The following PTPRS variants were observed in gnomAD, a reference collection of about 807,000 sequenced individuals.
PTPRS encodes the protein protein tyrosine phosphatase receptor type S, also known as receptor-type tyrosine-protein phosphatase S.
In PTPRS, 63 loss-of-function variants were observed where a neutral mutation model predicts 215.3. The observed-to-expected ratio is 0.29, with a 90% CI of 0.24 to 0.36. PTPRS has a LOEUF of 0.36. Ranked by LOEUF, PTPRS falls within the 10% of genes least tolerant of loss-of-function variation. The probability of loss-of-function intolerance (pLI) is 1.00; values close to 1 mark genes in which losing one functional copy is unlikely to be tolerated. For synonymous variants in PTPRS, 1,404 were observed against 1,191.4 expected, an observed-to-expected ratio of 1.18 and a Z score of -3.68; for missense variants, 2,258 against 2,825.8, an observed-to-expected ratio of 0.80 and a Z score of 4.56.
At chr19:5,315,785 CCTAG>C (rs1349919275) in intron 1 of PTPRS, among the ~76,000 whole-genome samples, 3 of 144,712 alleles carry the variant, frequency 2.1e-5, no homozygotes, top group Non-Finnish European at 4.5e-5. Context: ...CGCCATCACA[CCTAG>C]CTAATTTTTT....
At chr19:5,254,434 T>C (rs1191733424) in intron 9 of PTPRS, among the ~76,000 whole-genome samples, 1 of 131,896 alleles carries the variant, frequency 7.6e-6, no homozygotes, top group Non-Finnish European at 1.7e-5. Flanking sequence ...GTGTTTTTTA[T>C]TGGGGGTTGG....
At chr19:5,326,168 T>G (rs1038278254) in intron 1 of PTPRS, among the ~76,000 whole-genome samples, 21 of 151,342 alleles carry the variant, frequency 1.4e-4, no homozygotes, top group Admixed American at 7.9e-4. Flanking sequence ...GAGGTGGGGG[T>G]TGCAGTGAGC....
At position 5,237,774 on chromosome 19, in the gene PTPRS, C is replaced by A. The variant is rs928145286; in HGVS notation, c.1849+1145G>T. 1.3e-5 allele frequency among the ~76,000 whole-genome samples: 2 copies of A among 152,082 alleles called. No homozygotes were observed. The highest frequency in any genetic ancestry group is 6.6e-5 in the Admixed American group (1 of 15,262). ...TCACTGACTCCACCTCACACAGACG[C>A]GCCCAGACGCCTTGGAGCCGCCAGG... On this transcript the variant is annotated intron_variant, in intron 13 of 37. Coordinates refer to ENST00000262963, the MANE Select transcript of PTPRS (RefSeq NM_002850.4). This position sits in a 1 kb window ranked among gnomAD's most constrained non-coding sequence, Gnocchi z 4.2.
intron 1 of PTPRS, among the ~76,000 whole-genome samples, chr19:5,307,419 T>G (rs2049533882): frequency 2.7e-5 from 4 of 145,898 alleles, no homozygotes. Context: ...GATCAGTATC[T>G]CTTAGTGTTA....
At chr19:5,285,451 C>T (rs1211118625) in intron 2 of PTPRS, among the ~76,000 whole-genome samples, 1 of 152,214 alleles carries the variant, frequency 6.6e-6, no homozygotes, top group Admixed American at 6.5e-5. Context: ...CAGGCCTTCC[C>T]GGGTGCTGTC....
intron 1 of PTPRS, among the ~76,000 whole-genome samples, chr19:5,320,162 T>C (rs1368915854): frequency 6.6e-6 from 1 of 152,214 alleles, no homozygotes; most frequent in Non-Finnish European, 1.5e-5. Context: ...TTCCTGTCCC[T>C]GTTGGCAAGC....
chr19:5,289,149 T>C (rs2048606253), intron 1 of PTPRS, among the ~76,000 whole-genome samples: 1 of 152,110 alleles, frequency 6.6e-6, no homozygotes, highest in Non-Finnish European at 1.5e-5. Context: ...GAACCTCCCA[T>C]GATGGGGATA....
intron 2 of PTPRS, among the ~76,000 whole-genome samples, chr19:5,275,886 G>A (rs1429125191): frequency 6.7e-6 from 1 of 149,636 alleles, no homozygotes; most frequent in African/African-American, 2.5e-5. Context: ...GGCCTCAAGT[G>A]ATCCTCCCAC....
rs538713673 is a variant in PTPRS at position 5,230,920 on chromosome 19, T to C, written c.2155+390A>G. Among the ~76,000 whole-genome samples the C allele has an allele frequency of 7.9e-5, 12 of 152,278 alleles. No homozygotes were observed. In the South Asian group the frequency reaches 8.3e-4, roughly 11 times the overall value. ...GACGGGAACATTTACACCATGGAAATTGGCCAATGCTACACAAACTGGTCT... is the reference window on the plus strand; with the variant it reads ...GACGGGAACATTTACACCATGGAAACTGGCCAATGCTACACAAACTGGTCT... On this transcript the variant is annotated intron_variant, in intron 14 of 37. Coordinates refer to ENST00000262963, the MANE Select transcript of PTPRS (RefSeq NM_002850.4).
chr19:5,260,873 G>A, intron 6 of PTPRS, 51 bp from the exon 7 acceptor site: 1 of 1,603,220 alleles, frequency 6.2e-7, no homozygotes, highest in South Asian at 1.1e-5. Flanking sequence ...CGGTTGTTGG[G>A]GGGCCGGGGG....
chr19:5,267,918 C>T (rs934985826), intron 4 of PTPRS, among the ~76,000 whole-genome samples: 1 of 151,944 alleles, frequency 6.6e-6, no homozygotes, highest in African/African-American at 2.4e-5. Context: ...GCCTATAATC[C>T]CAGCACTTTG....
At chr19:5,238,634 C>T (rs1599605029) in intron 13 of PTPRS, among the ~76,000 whole-genome samples, 1 of 152,248 alleles carries the variant, frequency 6.6e-6, no homozygotes. Flanking sequence ...ACCTCTCCTA[C>T]ACCAGGGCCA....
Position 5,309,472 on chromosome 19 carries a change from C to G in PTPRS, c.-94-23238G>C, listed in dbSNP as rs1214818318. 3.3e-5 allele frequency among the ~76,000 whole-genome samples: 5 copies of G among 152,218 alleles called. No individual in the cohort carries two copies. The East Asian group carries it at 7.7e-4, about 24-fold the overall frequency. ...AGGCTGAGGATAGGATGTGCCTTGTCCAGAGCCAATGGCTTGCTTGTAGCA... is the reference window on the plus strand; with the variant it reads ...AGGCTGAGGATAGGATGTGCCTTGTGCAGAGCCAATGGCTTGCTTGTAGCA... On this transcript the variant is annotated intron_variant, in intron 1 of 37. Transcript: ENST00000262963.
chr19:5,240,395 C>T (rs2145878304), intron 11 of PTPRS, 63 bp from the exon 12 acceptor site: 3 of 1,454,704 alleles, frequency 2.1e-6, no homozygotes, highest in South Asian at 1.4e-5. Flanking sequence ...GGGGGCCCCA[C>T]CTGCTGAGTG....
At chr19:5,218,620 G>A in intron 24 of PTPRS, 88 bp from the exon 25 acceptor site, 2 of 1,520,692 alleles carry the variant, frequency 1.3e-6, no homozygotes, top group South Asian at 1.1e-5. Flanking sequence ...TGCATGGTAA[G>A]AAAAGGACCA....
At position 5,216,709 on chromosome 19, in the gene PTPRS, C is replaced by T. The variant is rs773286341; in HGVS notation, c.4096+11G>A. ...GGCGAAAGGAAGCCAAAAACAGACA[C>T]AAGAACTAACTTTCAAAGTGAAACC... On this transcript the variant is annotated intron_variant, in intron 26 of 37. Coordinates refer to ENST00000262963, the MANE Select transcript of PTPRS (RefSeq NM_002850.4). 2 of 1,555,762 alleles carry T rather than the reference C, an allele frequency of 1.3e-6. No homozygotes were observed. The highest frequency in any genetic ancestry group is 1.4e-5 in the African/African-American group (1 of 73,372).
At chr19:5,303,565 C>CTG (rs1440538503) in intron 1 of PTPRS, among the ~76,000 whole-genome samples, 1 of 151,840 alleles carries the variant, frequency 6.6e-6, no homozygotes, top group African/African-American at 2.4e-5. Flanking sequence ...AACGAACACA[C>CTG]TAAGTTCTGG....
rs184222347 is a variant in PTPRS, at chr19:5,282,784, C to T, written c.91+3266G>A. Among the ~76,000 whole-genome samples the T allele has an allele frequency of 4.2e-3, 616 of 144,946 alleles. 17 individuals are homozygous for T. Among genetic ancestry groups the T allele is most frequent in the Non-Finnish European group, 1.5e-3 (102 of 66,666 alleles). ...GAGCCTGGGCAACAGGACAACAGAACAAGACTTCATCTCAAAAAAAAAAAA... is the reference window on the plus strand; with the variant it reads ...GAGCCTGGGCAACAGGACAACAGAATAAGACTTCATCTCAAAAAAAAAAAA... On this transcript the variant is annotated intron_variant, in intron 2 of 37. Transcript: ENST00000262963.
chr19:5,246,056 G>T lies in PTPRS; in HGVS notation c.719-11C>A. On this transcript the variant is annotated splice_polypyrimidine_tract_variant and intron_variant, in intron 9 of 37. Coordinates refer to ENST00000262963, the MANE Select transcript of PTPRS (RefSeq NM_002850.4). The stretch of plus-strand genomic sequence containing the variant: ...GGGCCACGCGGCGGACTGGGGAGGG[G>T]GCGGCAGTGGCGGCGGGAGGGAGAT... 1 of 1,447,454 alleles carries T rather than the reference G, an allele frequency of 6.9e-7. No individual in the cohort carries two copies. Among genetic ancestry groups the T allele is most frequent in the Non-Finnish European group, 9.1e-7 (1 of 1,093,428 alleles). 89.7% of individuals were successfully genotyped at this position (1,447,454 alleles called of 1,614,324 possible). A position where few individuals can be genotyped will look rare whatever the true frequency, so the allele number is the denominator to read the frequency against.
Sources: allele counts gnomAD v4.1 joint callset (sites outside exome capture counted in the v4.1 genomes callset), GRCh38; gene constraint gnomAD v4.1.1; non-coding constraint Gnocchi (gnomAD v3.1); transcripts MANE v1.5; gene names NCBI Gene and HGNC (gene_info 2026-07-23, HGNC 2026-07-21).